ADGRB3: variants seen among roughly 807,000 people sequenced by gnomAD.
ADGRB3 encodes the protein brain-specific angiogenesis inhibitor 3.
ADGRB3 carries 37 observed loss-of-function variants against 193.4 expected under a neutral mutation model. The observed-to-expected ratio is 0.19, with a 90% CI of 0.15 to 0.25. The LOEUF (loss-of-function observed/expected upper bound fraction) is 0.25. Among genes scored for constraint, ADGRB3 ranks in the 10% least tolerant of loss-of-function variants. The pLI is 1.00. For missense variants in ADGRB3, 1,637 were observed against 1,852.9 expected (o/e 0.88, Z 2.14); for synonymous variants, 690 against 644.2 (o/e 1.07, Z -1.08).
intron 16 of ADGRB3, among the ~76,000 whole-genome samples, chr6:69,073,618 TGCAAATGTTGTGAACCTCCCAAG>T (rs1772143480): frequency 6.6e-6 from 1 of 152,138 alleles, no homozygotes; most frequent in Admixed American, 6.6e-5. Flanking sequence ...GCTCCTCCCC[TGCAAATGTTGTGAACCTCCCAAG>T]GCTCACCCAA....
At chr6:69,335,516 T>C (rs1244480257) in intron 24 of ADGRB3, among the ~76,000 whole-genome samples, 1 of 152,108 alleles carries the variant, frequency 6.6e-6, no homozygotes, top group Non-Finnish European at 1.5e-5. Context: ...CAAATTATAT[T>C]TCTAATATAA....
At position 68,697,589 on chromosome 6, in the gene ADGRB3, G is replaced by A. The variant is rs141377266; in HGVS notation, c.757+58157G>A. ...TGGAGTGACCTAGCTACTTGGTTCT[G>A]TATAATGATGATTCCTGTCTAGAAA... On this transcript the variant is annotated intron_variant, in intron 3 of 31. Coordinates refer to ENST00000370598, the MANE Select transcript of ADGRB3 (RefSeq NM_001704.3). Among the ~76,000 whole-genome samples the A allele has an allele frequency of 2.2e-3, 328 of 152,006 alleles. 2 individuals are homozygous for A. The highest frequency in any genetic ancestry group is 7.7e-3 in the African/African-American group (318 of 41,522).
chr6:68,663,141 A>G (rs1453245082), intron 3 of ADGRB3, among the ~76,000 whole-genome samples: 25 of 151,380 alleles, frequency 1.7e-4, no homozygotes, highest in Admixed American at 1.7e-3. Context: ...ATTTCAATTC[A>G]TTTTCCTAAA....
intron 3 of ADGRB3, among the ~76,000 whole-genome samples, chr6:68,782,951 C>T (rs749886164): frequency 1.3e-5 from 2 of 151,658 alleles, no homozygotes; most frequent in Non-Finnish European, 2.9e-5. Context: ...ATGAAATGAA[C>T]GTTAACTCCG....
intron 17 of ADGRB3, among the ~76,000 whole-genome samples, chr6:69,208,996 A>G (rs1416028240): frequency 6.6e-6 from 1 of 152,222 alleles, no homozygotes. Context: ...AGTTATCTGC[A>G]GAAGATGGCA....
At chr6:68,729,056 A>C (rs1359740058) in intron 3 of ADGRB3, among the ~76,000 whole-genome samples, 2 of 151,662 alleles carry the variant, frequency 1.3e-5, no homozygotes, top group African/African-American at 4.8e-5. Context: ...AGATAGAATA[A>C]TACAAACATT....
At chr6:68,662,374 A>G (rs2127289178) in intron 3 of ADGRB3, among the ~76,000 whole-genome samples, 1 of 151,740 alleles carries the variant, frequency 6.6e-6, no homozygotes, top group South Asian at 2.1e-4. Flanking sequence ...AGATAAAGAG[A>G]GAATTTAAGT....
At chr6:69,282,144 T>G (rs1004490529) in intron 20 of ADGRB3, among the ~76,000 whole-genome samples, 1 of 152,116 alleles carries the variant, frequency 6.6e-6, no homozygotes, top group Non-Finnish European at 1.5e-5. Flanking sequence ...CTCTGTTTTC[T>G]CAAGAGCAAT....
chr6:68,660,982 A>T (rs1274963394), intron 3 of ADGRB3, among the ~76,000 whole-genome samples: 1 of 150,730 alleles, frequency 6.6e-6, no homozygotes, highest in Non-Finnish European at 1.5e-5. Context: ...ATGTATTTGT[A>T]TGTATTTATT....
At chr6:69,068,449 A>G (rs369848385) in intron 16 of ADGRB3, among the ~76,000 whole-genome samples, 6 of 152,168 alleles carry the variant, frequency 3.9e-5, no homozygotes, top group African/African-American at 1.2e-4. Context: ...ATACTTGCAC[A>G]GTTTTAACTC....
chr6:68,998,280 C>T (rs1769455189), intron 11 of ADGRB3, among the ~76,000 whole-genome samples: 1 of 152,166 alleles, frequency 6.6e-6, no homozygotes, highest in African/African-American at 2.4e-5. Flanking sequence ...TTACTAAGAG[C>T]AATAATTTGC....
At chr6:68,772,894 A>AAATATAT (rs1466813173) in intron 3 of ADGRB3, among the ~76,000 whole-genome samples, 28 of 22,826 alleles carry the variant, frequency 1.2e-3, no homozygotes, top group South Asian at 1.9e-3. Flanking sequence ...AAAAAAAAAA[A>AAATATAT]ATATATATAT....
chr6:69,013,910 A>G, intron 11 of ADGRB3, 128 bp from the exon 12 acceptor site: 1 of 525,798 alleles, frequency 1.9e-6, no homozygotes, highest in Non-Finnish European at 3.4e-6. Context: ...CTAGAATACT[A>G]TGTTAGGGTC....
chr6:69,170,237 T>C (rs982283281), intron 17 of ADGRB3, among the ~76,000 whole-genome samples: 2 of 152,136 alleles, frequency 1.3e-5, no homozygotes, highest in Non-Finnish European at 2.9e-5. Flanking sequence ...CTTGAACCAT[T>C]TCAGTTCAAG....
intron 20 of ADGRB3, among the ~76,000 whole-genome samples, chr6:69,278,754 T>A (rs1561974862): frequency 6.6e-6 from 1 of 152,096 alleles, no homozygotes; most frequent in East Asian, 1.9e-4. Flanking sequence ...TCCTTTCTGA[T>A]TTGGTCTCAG....
chr6:69,002,174 A>C (rs1379838768), intron 11 of ADGRB3, among the ~76,000 whole-genome samples: 1 of 151,922 alleles, frequency 6.6e-6, no homozygotes, highest in Admixed American at 6.6e-5. Flanking sequence ...TCAAGGAATT[A>C]AATTGAAAGC....
intron 3 of ADGRB3, among the ~76,000 whole-genome samples, chr6:68,866,713 C>T (rs574512558): frequency 1.6e-4 from 25 of 152,260 alleles, no homozygotes; most frequent in African/African-American, 5.8e-4. Flanking sequence ...CTGAGATAGT[C>T]TCAGATGGAG....
chr6:68,684,427 C>T (rs1764947873), intron 3 of ADGRB3, among the ~76,000 whole-genome samples: 1 of 152,082 alleles, frequency 6.6e-6, no homozygotes, highest in Non-Finnish European at 1.5e-5. Flanking sequence ...ATCTTGCTAA[C>T]TCAGAGGCAA....
chr6:68,916,849 C>T (rs956255669), intron 3 of ADGRB3, among the ~76,000 whole-genome samples: 1 of 152,084 alleles, frequency 6.6e-6, no homozygotes, highest in African/African-American at 2.4e-5. Context: ...TAGGCTGGGG[C>T]AGATTCTACT....
Sources: allele counts gnomAD v4.1 joint callset (sites outside exome capture counted in the v4.1 genomes callset), GRCh38; gene constraint gnomAD v4.1.1; transcripts MANE v1.5; gene names NCBI Gene and HGNC (gene_info 2026-07-23, HGNC 2026-07-21).